The following TRPM3 variants were observed in gnomAD, a reference collection of about 807,000 sequenced individuals.
TRPM3 encodes transient receptor potential cation channel subfamily M member 3, also known as long transient receptor potential channel 3.
TRPM3 carries 77 observed loss-of-function variants against 181.2 expected under a neutral mutation model. That is an observed-to-expected ratio of 0.42 (90% CI 0.35 to 0.51). The LOEUF is 0.51. Ranked by LOEUF, TRPM3 falls within the 20% of genes least tolerant of loss-of-function variation. The pLI is 0.01. For missense variants in TRPM3, 1,759 were observed against 2,196.7 expected, an observed-to-expected ratio of 0.80 and a Z score of 3.98; for synonymous variants, 745 against 796.4, an observed-to-expected ratio of 0.94 and a Z score of 1.09.
intron 20 of TRPM3, 118 bp from the exon 21 acceptor site, chr9:70,598,788 A>T (rs1427617149): frequency 6.6e-6 from 8 of 1,215,028 alleles, no homozygotes; most frequent in Non-Finnish European, 9.2e-6. Context: ...ACCTATATCT[A>T]CTTAAATACT....
chr9:70,826,936 AAAT>A (rs1300183658), intron 6 of TRPM3: 1 of 152,244 alleles, frequency 6.6e-6, no homozygotes, highest in African/African-American at 2.4e-5. Context: ...AATTGCATTT[AAAT>A]GCAAGCCACT....
intron 1 of TRPM3, among the ~76,000 whole-genome samples, chr9:71,412,170 T>C (rs2093562564): frequency 1.3e-5 from 2 of 152,110 alleles, no homozygotes; most frequent in Non-Finnish European, 1.5e-5. Flanking sequence ...GGCAATACCA[T>C]TCAGGACATA....
At position 71,282,418 on chromosome 9, in the gene TRPM3, A is replaced by AAGAAAGAAAGAAAGG. The variant is rs1423874175; in HGVS notation, c.183+164234_183+164235insCCTTTCTTTCTTTCT. Among the ~76,000 whole-genome samples, 197 of 101,350 alleles carry AAGAAAGAAAGAAAGG rather than the reference A, an allele frequency of 1.9e-3. 4 individuals are homozygous for AAGAAAGAAAGAAAGG. The highest frequency in any genetic ancestry group is 2.5e-3 in the Non-Finnish European group (121 of 47,614). The allele number at this position is 101,350 out of a possible 152,430, so 66.5% of individuals were successfully genotyped here. On this transcript the variant is annotated intron_variant, in intron 1 of 24. Coordinates refer to the TRPM3 transcript ENST00000357533. ...AAAGAAAGGAAAAGAAAGAAAAAGA[A>AAGAAAGAAAGAAAGG]AAAGAAAGAAAAAAAGAAAGAGAAA...
At chr9:71,274,203 G>C (rs963732838) in intron 1 of TRPM3, among the ~76,000 whole-genome samples, 1 of 152,112 alleles carries the variant, frequency 6.6e-6, no homozygotes, top group Admixed American at 6.5e-5. Context: ...ATTATGTCTT[G>C]GGACTGACAT....
At chr9:71,422,255 A>G (rs1202061350) in intron 1 of TRPM3, among the ~76,000 whole-genome samples, 1 of 152,062 alleles carries the variant, frequency 6.6e-6, no homozygotes, top group Non-Finnish European at 1.5e-5. Flanking sequence ...TTATTCTGAC[A>G]TCATACTGAA....
At chr9:70,859,146 G>A (rs1053699477) in intron 3 of TRPM3, among the ~76,000 whole-genome samples, 6 of 152,250 alleles carry the variant, frequency 3.9e-5, no homozygotes, top group African/African-American at 1.4e-4. Flanking sequence ...CATCGGAAGG[G>A]AGGATTGATT....
At chr9:71,201,460 G>T (rs1448337686) in intron 1 of TRPM3, among the ~76,000 whole-genome samples, 5 of 152,208 alleles carry the variant, frequency 3.3e-5, no homozygotes, top group Non-Finnish European at 5.9e-5. Context: ...ATAATATCCT[G>T]CAGAGTGTTT....
At chr9:70,945,331 T>C (rs1480840071) in intron 1 of TRPM3, among the ~76,000 whole-genome samples, 1 of 152,230 alleles carries the variant, frequency 6.6e-6, no homozygotes, top group Non-Finnish European at 1.5e-5. Context: ...TCTCTTCTTT[T>C]GGGAATGTAA....
At chr9:70,911,712 T>A (rs2096540006) in intron 1 of TRPM3, among the ~76,000 whole-genome samples, 3 of 152,228 alleles carry the variant, frequency 2.0e-5, no homozygotes, top group Admixed American at 2.0e-4. Context: ...AAAGGTCACC[T>A]AGTCCTGCTG....
chr9:70,633,908 A>T (rs6560146), intron 12 of TRPM3, among the ~76,000 whole-genome samples: 125,496 of 152,120 alleles, frequency 0.82, 52,108 homozygotes, highest in East Asian at 0.92. Context: ...CACATAGGTA[A>T]GGGGCGGGGG....
intron 1 of TRPM3, among the ~76,000 whole-genome samples, chr9:70,938,472 G>A (rs1439730859): frequency 6.6e-6 from 1 of 151,928 alleles, no homozygotes; most frequent in African/African-American, 2.4e-5. Context: ...ATTTAATCCT[G>A]TCTTTTTTTT....
At position 70,761,183 on chromosome 9, in the gene TRPM3, T is replaced by C. The variant is rs544239456; in HGVS notation, c.1272+418A>G. 7 of 512,710 alleles carry C rather than the reference T, an allele frequency of 1.4e-5. No homozygotes were observed. The Admixed American group carries it at 2.5e-4, about 18-fold the overall frequency. The allele number at this position is 512,710 out of a possible 1,614,324, so 31.8% of individuals were successfully genotyped here. On this transcript the variant is annotated intron_variant, in intron 8 of 25. Coordinates refer to ENST00000677713, the MANE Select transcript of TRPM3 (RefSeq NM_001366145.2). The stretch of plus-strand genomic sequence containing the variant: ...TTTCTCCGTTTTCTACCTGTACAGA[T>C]TAGTGTAACAGCCTGGACCCTTTGT...
At chr9:71,011,988 G>A (rs1407263207) in intron 1 of TRPM3, among the ~76,000 whole-genome samples, 1 of 151,908 alleles carries the variant, frequency 6.6e-6, no homozygotes, top group African/African-American at 2.4e-5. Context: ...TTGCCATGTT[G>A]CCCAGGTTGG....
intron 7 of TRPM3, among the ~76,000 whole-genome samples, chr9:70,778,522 G>A (rs1381574936): frequency 2.6e-5 from 4 of 152,160 alleles, no homozygotes; most frequent in Admixed American, 2.6e-4. Flanking sequence ...TTCTTTGTCT[G>A]TACAAGGTGT....
intron 1 of TRPM3, among the ~76,000 whole-genome samples, chr9:70,929,201 T>C (rs1408430487): frequency 6.6e-6 from 1 of 151,862 alleles, no homozygotes; most frequent in East Asian, 1.9e-4. Context: ...TTAAATATAA[T>C]TTTTTCTTTT....
At chr9:70,906,969 GATAA>G (rs2096475352) in intron 1 of TRPM3, among the ~76,000 whole-genome samples, 2 of 152,078 alleles carry the variant, frequency 1.3e-5, no homozygotes, top group Non-Finnish European at 2.9e-5. Context: ...GAAATTCTGA[GATAA>G]ATAAGCTAAA....
chr9:70,887,827 T>C (rs530307479), intron 1 of TRPM3, among the ~76,000 whole-genome samples: 4 of 152,318 alleles, frequency 2.6e-5, no homozygotes, highest in Non-Finnish European at 5.9e-5. Context: ...AAGACTTTAA[T>C]TTGGGCAGAA....
chr9:70,753,441 T>C (rs531158000), intron 8 of TRPM3, among the ~76,000 whole-genome samples: 5 of 152,224 alleles, frequency 3.3e-5, no homozygotes, highest in Admixed American at 2.0e-4. Flanking sequence ...AATACGAGGA[T>C]TGGCTGGTGT....
intron 1 of TRPM3, among the ~76,000 whole-genome samples, chr9:71,024,989 G>C (rs552345654): frequency 2.1e-4 from 32 of 152,054 alleles, no homozygotes; most frequent in Non-Finnish European, 3.7e-4. Context: ...GAGGGAAACT[G>C]GTTCACCAAT....
Sources: gnomAD v4.1 joint callset for allele counts (sites outside exome capture counted in the v4.1 genomes callset) on GRCh38, gnomAD v4.1.1 for gene constraint, MANE v1.5 for transcripts, NCBI Gene and HGNC (gene_info 2026-07-23, HGNC 2026-07-21) for gene names.